Variants in CELF4 observed in about 807,000 individuals in gnomAD.
CELF4 encodes CUGBP Elav-like family member 4.
In CELF4, 18 loss-of-function variants were observed where a neutral mutation model predicts 59.9. The ratio of observed to expected loss-of-function variants is 0.30; its 90% confidence interval spans 0.21 to 0.45. The LOEUF is 0.45. Among genes scored for constraint, CELF4 ranks in the 20% least tolerant of loss-of-function variants. CELF4 has a pLI of 1.00. For synonymous variants in CELF4, 261 were observed against 267.1 expected (o/e 0.98, Z 0.22); for missense variants, 456 against 689.0 (o/e 0.66, Z 3.79).
chr18:37,291,341 T>C (rs1406924491), intron 3 of CELF4, among the ~76,000 whole-genome samples: 1 of 152,166 alleles, frequency 6.6e-6, no homozygotes, highest in Non-Finnish European at 1.5e-5. Context: ...TGAGAATGAA[T>C]AGTGACTGTA....
intron 1 of CELF4, among the ~76,000 whole-genome samples, chr18:37,544,881 GC>G (rs1425390310): frequency 2.0e-5 from 3 of 152,210 alleles, no homozygotes; most frequent in Non-Finnish European, 4.4e-5. Flanking sequence ...GCCTGAGGAA[GC>G]CGCAGCATTG....
At chr18:37,337,666 C>T (rs2097822961) in intron 2 of CELF4, among the ~76,000 whole-genome samples, 1 of 152,208 alleles carries the variant, frequency 6.6e-6, no homozygotes, top group South Asian at 2.1e-4. Context: ...AGTCATGTTC[C>T]CATCACCCCG....
chr18:37,265,824 C>T (rs1290112604), intron 9 of CELF4, among the ~76,000 whole-genome samples: 1 of 152,206 alleles, frequency 6.6e-6, no homozygotes, highest in Non-Finnish European at 1.5e-5. Context: ...ACAGCACTGG[C>T]TCTTCTAAGC....
At chr18:37,248,944 T>C (rs2063719541) in intron 12 of CELF4, among the ~76,000 whole-genome samples, 1 of 138,838 alleles carries the variant, frequency 7.2e-6, no homozygotes, top group Non-Finnish European at 1.5e-5. Flanking sequence ...AGCTTTATGC[T>C]TTCCTGCAGG....
chr18:37,455,393 C>G (rs2099775364), intron 2 of CELF4, among the ~76,000 whole-genome samples: 1 of 152,232 alleles, frequency 6.6e-6, no homozygotes, highest in African/African-American at 2.4e-5. Flanking sequence ...CTTCTCCCTT[C>G]TCTCCTCTTC....
At chr18:37,520,208 C>T (rs1373639090) in intron 1 of CELF4, among the ~76,000 whole-genome samples, 1 of 152,176 alleles carries the variant, frequency 6.6e-6, no homozygotes, top group African/African-American at 2.4e-5. Flanking sequence ...GGCCCCAGCT[C>T]TGGGGAACAG....
intron 2 of CELF4, among the ~76,000 whole-genome samples, chr18:37,437,536 C>T (rs1409415535): frequency 1.3e-5 from 2 of 152,186 alleles, no homozygotes; most frequent in Admixed American, 6.5e-5. Flanking sequence ...CTTGGCTTGG[C>T]CAGCACTCTG....
chr18:37,556,125 C>A (rs1394887780), intron 1 of CELF4, among the ~76,000 whole-genome samples: 1 of 152,232 alleles, frequency 6.6e-6, no homozygotes, highest in East Asian at 1.9e-4. Context: ...CGAGGACTTG[C>A]GCAAGGAGGC....
intron 2 of CELF4, among the ~76,000 whole-genome samples, chr18:37,470,058 G>T (rs1339069176): frequency 2.0e-5 from 3 of 152,334 alleles, no homozygotes; most frequent in African/African-American, 7.2e-5. Flanking sequence ...GCCACCAGAA[G>T]TTCATTGCAT....
intron 1 of CELF4, among the ~76,000 whole-genome samples, chr18:37,504,318 C>G (rs1298999578): frequency 6.6e-6 from 1 of 152,052 alleles, no homozygotes; most frequent in African/African-American, 2.4e-5. Context: ...TGGTGAAACC[C>G]CGTCTCTACT....
At chr18:37,551,725 G>T (rs553786913) in intron 1 of CELF4, among the ~76,000 whole-genome samples, 1 of 152,158 alleles carries the variant, frequency 6.6e-6, no homozygotes, top group Non-Finnish European at 1.5e-5. Context: ...TAATTTCTCA[G>T]CCCAAGTGGG....
chr18:37,548,984 A>G (rs566228508), intron 1 of CELF4, among the ~76,000 whole-genome samples: 12 of 152,236 alleles, frequency 7.9e-5, no homozygotes, highest in African/African-American at 2.9e-4. Flanking sequence ...CCCCAGTCAC[A>G]TGCGGACCGT....
In CELF4 at chr18:37,243,178, CTTTTTTTCTTTTTTTTTTT is replaced by C. The variant is rs1410750866; in HGVS notation, c.*2045_*2063del. The stretch of plus-strand genomic sequence containing the variant: ...ACTGCAGCTGTTTTCTTTTTTTTTT[CTTTTTTTCTTTTTTTTTTT>C]TTTTTTTTTACATCTGGACATCCTA... On this transcript the variant is annotated 3_prime_UTR_variant, in exon 13 of 13. Transcript: ENST00000420428. 9.7e-6 allele frequency: 1 copy of C among 103,272 alleles called. No homozygotes were observed. Among genetic ancestry groups the C allele is most frequent in the Non-Finnish European group, 1.9e-5 (1 of 52,032 alleles). 6.4% of individuals were successfully genotyped at this position (103,272 alleles called of 1,614,324 possible).
intron 2 of CELF4, among the ~76,000 whole-genome samples, chr18:37,366,774 T>A (rs2098790589): frequency 6.6e-6 from 1 of 152,006 alleles, no homozygotes; most frequent in Non-Finnish European, 1.5e-5. Flanking sequence ...TGGATTTGAA[T>A]CCCAGACCTG....
At position 37,257,075 on chromosome 18, in the gene CELF4, T is replaced by C. The variant is rs146051701; in HGVS notation, c.1333+2106A>G. Reference sequence around the variant, plus strand: ...GAGGAGAGCTAGATTAGAGGTATACTAATTAGAGAGAAAAAAAAACTGTAG... The same window carrying C: ...GAGGAGAGCTAGATTAGAGGTATACCAATTAGAGAGAAAAAAAAACTGTAG... On this transcript the variant is annotated intron_variant, in intron 11 of 12. Transcript: ENST00000420428. Among the ~76,000 whole-genome samples the C allele has an allele frequency of 8.0e-4, 121 of 152,062 alleles. 3 individuals carry two copies. In the South Asian group the frequency reaches 0.015, roughly 19 times the overall value.
At chr18:37,515,549 G>A (rs535943860) in intron 1 of CELF4, among the ~76,000 whole-genome samples, 2 of 152,200 alleles carry the variant, frequency 1.3e-5, no homozygotes, top group Admixed American at 6.5e-5. Flanking sequence ...CTTAACTAGC[G>A]GAGGTTGCAT....
At chr18:37,256,787 G>T (rs950014629) in intron 11 of CELF4, among the ~76,000 whole-genome samples, 1 of 152,100 alleles carries the variant, frequency 6.6e-6, no homozygotes, top group African/African-American at 2.4e-5. Flanking sequence ...GGTTCACCAT[G>T]TTGGCCAGGC....
At chr18:37,354,160 G>C (rs951001921) in intron 2 of CELF4, among the ~76,000 whole-genome samples, 18 of 152,066 alleles carry the variant, frequency 1.2e-4, no homozygotes, top group Non-Finnish European at 2.4e-4. Flanking sequence ...ACTATGCTGA[G>C]CACCTGCTGT....
intron 2 of CELF4, among the ~76,000 whole-genome samples, chr18:37,391,972 T>C (rs998302954): frequency 6.6e-6 from 1 of 152,124 alleles, no homozygotes; most frequent in African/African-American, 2.4e-5. Flanking sequence ...GGTCCCAGGG[T>C]GGCTTTTAGT....
Sources: allele counts gnomAD v4.1 joint callset (sites outside exome capture counted in the v4.1 genomes callset), GRCh38; gene constraint gnomAD v4.1.1; transcripts MANE v1.5; gene names NCBI Gene and HGNC (gene_info 2026-07-23, HGNC 2026-07-21).